MROH9: variants seen among roughly 807,000 people sequenced by gnomAD.
MROH9 encodes maestro heat-like repeat-containing protein family member 9.
MROH9 carries 92 observed loss-of-function variants against 98.2 expected under a neutral mutation model. The observed-to-expected ratio is 0.94, with a 90% CI of 0.79 to 1.11. The LOEUF is 1.11. Among genes scored for constraint, MROH9 ranks in the 50% most tolerant of loss-of-function variants. MROH9 has a pLI of 0.00. For missense variants in MROH9, 1,057 were observed against 1,014.8 expected (o/e 1.04, Z -0.57); for synonymous variants, 397 against 368.9 (o/e 1.08, Z -0.87).
chr1:170,989,674 T>A (rs1045124355), intron 10 of MROH9, among the ~76,000 whole-genome samples, 181 bp from the exon 11 acceptor site: 57 of 152,246 alleles, frequency 3.7e-4, no homozygotes, highest in African/African-American at 1.3e-3. Flanking sequence ...TTCATCCAGA[T>A]GAATATTTTG....
chr1:170,947,297 G>A (rs566237788), intron 2 of MROH9, among the ~76,000 whole-genome samples: 1 of 152,012 alleles, frequency 6.6e-6, no homozygotes, highest in East Asian at 1.9e-4. Context: ...CTTGGGTATA[G>A]GCTTTTATTC....
At chr1:171,061,548 A>G (rs1453152854) in intron 20 of MROH9, among the ~76,000 whole-genome samples, 1 of 152,188 alleles carries the variant, frequency 6.6e-6, no homozygotes, top group African/African-American at 2.4e-5. Context: ...CTTTCTGTTA[A>G]AGGCCCAATA....
At chr1:171,021,504 T>C (rs1018889141) in intron 17 of MROH9, among the ~76,000 whole-genome samples, 1 of 152,082 alleles carries the variant, frequency 6.6e-6, no homozygotes, top group African/African-American at 2.4e-5. Context: ...AAGCAAGCAA[T>C]AGGGAAAAGA....
intron 9 of MROH9, among the ~76,000 whole-genome samples, chr1:170,984,127 G>T (rs1196544939): frequency 6.6e-6 from 1 of 152,144 alleles, no homozygotes; most frequent in Non-Finnish European, 1.5e-5. Flanking sequence ...TCCAGAAGTT[G>T]CACAGCATTG....
rs376275657 is a variant in MROH9, at chr1:171,011,539, C to T, written c.1597-2578C>T. 1.5e-4 allele frequency among the ~76,000 whole-genome samples: 23 copies of T among 152,248 alleles called. No homozygotes were observed. In the East Asian group the frequency reaches 1.9e-3, roughly 13 times the overall value. Reference sequence around the variant, plus strand: ...TTTCCAGAAAATAATTTATTTCACTCAGAATTTCAAATGACTGCCATAATC... The same window carrying T: ...TTTCCAGAAAATAATTTATTTCACTTAGAATTTCAAATGACTGCCATAATC... On this transcript the variant is annotated intron_variant, in intron 15 of 21. Transcript: ENST00000367759.
At chr1:170,994,749 C>T (rs1651495338) in intron 12 of MROH9, among the ~76,000 whole-genome samples, 1 of 152,106 alleles carries the variant, frequency 6.6e-6, no homozygotes, top group Non-Finnish European at 1.5e-5. Context: ...CATCCCACTA[C>T]CCTTTCCCAG....
chr1:171,018,402 G>T (rs527695840), intron 17 of MROH9, among the ~76,000 whole-genome samples: 2 of 150,184 alleles, frequency 1.3e-5, no homozygotes, highest in Non-Finnish European at 3.0e-5. Context: ...TCAAATGTCA[G>T]CAGCCTCAAA....
At position 171,064,389 on chromosome 1, in the gene MROH9, CAAT is replaced by C. The variant is rs368666550; in HGVS notation, c.*50_*52del. On this transcript the variant is annotated 3_prime_UTR_variant, in exon 22 of 22. Transcript: ENST00000367759. Reference sequence around the variant, plus strand: ...CATTCATAAACAATGGGAAGTCCAACAATGTCTTGGAGCTGACCTTAGAAGAAG... The same window carrying C: ...CATTCATAAACAATGGGAAGTCCAACGTCTTGGAGCTGACCTTAGAAGAAG... The C allele has an allele frequency of 9.9e-4, 1,468 of 1,476,678 alleles. 15 individuals are homozygous for C. In the African/African-American group the frequency reaches 0.018, roughly 19 times the overall value. 91.5% of individuals were successfully genotyped at this position (1,476,678 alleles called of 1,614,324 possible).
At chr1:170,948,560 C>T (rs1488584970) in intron 3 of MROH9, among the ~76,000 whole-genome samples, 1 of 152,056 alleles carries the variant, frequency 6.6e-6, no homozygotes, top group Admixed American at 6.6e-5. Context: ...TATTGAGAAT[C>T]TACTATGCAT....
At chr1:171,030,756 T>C (rs1028634540) in intron 20 of MROH9, among the ~76,000 whole-genome samples, 1 of 152,228 alleles carries the variant, frequency 6.6e-6, no homozygotes, top group African/African-American at 2.4e-5. Context: ...GAAGAATGTA[T>C]ATTCTGTTGA....
intron 20 of MROH9, among the ~76,000 whole-genome samples, chr1:171,054,246 G>A (rs68124716): frequency 6.6e-6 from 1 of 152,056 alleles, no homozygotes; most frequent in Non-Finnish European, 1.5e-5. Flanking sequence ...GCCAACTGAT[G>A]TTCGACAAAG....
chr1:171,021,106 A>AGAGAG (rs1232553954), intron 17 of MROH9, among the ~76,000 whole-genome samples: 2 of 152,224 alleles, frequency 1.3e-5, no homozygotes, highest in African/African-American at 4.8e-5. Context: ...CAAGGAAATC[A>AGAGAG]GAGAGGACAC....
intron 14 of MROH9, among the ~76,000 whole-genome samples, chr1:170,996,871 A>G (rs28588043): frequency 0.14 from 21,186 of 151,928 alleles, 1,651 homozygotes; most frequent in African/African-American, 0.21. Context: ...TAGATGCCCA[A>G]TTATCCTCCC....
chr1:171,062,282 G>C (rs1224775296), intron 21 of MROH9, 88 bp downstream of exon 21: 4 of 915,020 alleles, frequency 4.4e-6, no homozygotes, highest in Non-Finnish European at 6.8e-6. Flanking sequence ...AGTTCTGTTA[G>C]AGTGCCAGGC....
chr1:171,006,456 T>C (rs1265055503), intron 15 of MROH9, among the ~76,000 whole-genome samples: 1 of 152,088 alleles, frequency 6.6e-6, no homozygotes, highest in Non-Finnish European at 1.5e-5. Flanking sequence ...GTTCTCTCTC[T>C]ATCTTTCTCT....
intron 3 of MROH9, 86 bp downstream of exon 3, chr1:170,947,659 C>T (rs1409510050): frequency 8.2e-7 from 1 of 1,222,034 alleles, no homozygotes; most frequent in African/African-American, 1.5e-5. Flanking sequence ...AAGGATGTTA[C>T]AAGTAATGTT....
Position 170,961,992 on chromosome 1 carries a change from G to A in MROH9, c.375+16G>A. 1.4e-6 allele frequency: 2 copies of A among 1,410,798 alleles called. No homozygotes were observed. Among genetic ancestry groups the A allele is most frequent in the Non-Finnish European group, 1.9e-6 (2 of 1,033,590 alleles). 87.4% of individuals were successfully genotyped at this position (1,410,798 alleles called of 1,614,324 possible). A position where few individuals can be genotyped will look rare whatever the true frequency, so the allele number is the denominator to read the frequency against. On this transcript the variant is annotated intron_variant, in intron 6 of 21. Coordinates refer to ENST00000367759, the MANE Select transcript of MROH9 (RefSeq NM_001163629.2). ...GATCTTAAAGGTAAAGAGGAAATAAGTAGTTTAATTTTCTTGTCATAAGTC... is the reference window on the plus strand; with the variant it reads ...GATCTTAAAGGTAAAGAGGAAATAAATAGTTTAATTTTCTTGTCATAAGTC...
At chr1:170,999,496 A>T (rs950320118) in intron 15 of MROH9, among the ~76,000 whole-genome samples, 1 of 151,810 alleles carries the variant, frequency 6.6e-6, no homozygotes, top group Non-Finnish European at 1.5e-5. Flanking sequence ...CTGTTAATTC[A>T]TTCCTTTTTC....
rs546822600 is a variant in MROH9 at position 171,052,393 on chromosome 1, C to T, written c.2282-9739C>T. The stretch of plus-strand genomic sequence containing the variant: ...TATGGGAATCCAGGGGGTAAAGCAC[C>T]CAGTGATGTGCCTGTGTGTGGAGTA... On this transcript the variant is annotated intron_variant, in intron 20 of 21. Transcript: ENST00000367759. Among the ~76,000 whole-genome samples, 60 of 152,210 alleles carry T rather than the reference C, an allele frequency of 3.9e-4. 1 individual carries two copies. The highest frequency in any genetic ancestry group is 1.3e-3 in the African/African-American group (54 of 41,516).
Sources: allele counts gnomAD v4.1 joint callset (sites outside exome capture counted in the v4.1 genomes callset), GRCh38; gene constraint gnomAD v4.1.1; transcripts MANE v1.5; gene names NCBI Gene and HGNC (gene_info 2026-07-23, HGNC 2026-07-21).